Variants in TMEM123 observed in about 807,000 individuals in gnomAD.
The protein encoded by TMEM123 is transmembrane protein 123.
Under a neutral mutation model 19.7 loss-of-function variants are expected in TMEM123, and 16 were observed. The ratio of observed to expected loss-of-function variants is 0.81; its 90% confidence interval spans 0.55 to 1.23. The LOEUF (loss-of-function observed/expected upper bound fraction) is 1.23, where lower values mean the gene tolerates loss of function less well. Among genes scored for constraint, TMEM123 ranks in the 50% most tolerant of loss-of-function variants. The pLI, the probability that TMEM123 is intolerant of heterozygous loss-of-function variation, is 0.00. For missense variants in TMEM123, 313 were observed against 257.8 expected (o/e 1.21, Z -1.47); for synonymous variants, 118 against 99.4 (o/e 1.19, Z -1.12).
At chr11:102,442,478 C>A (rs974318490) in intron 2 of TMEM123, among the ~76,000 whole-genome samples, 2 of 152,116 alleles carry the variant, frequency 1.3e-5, no homozygotes, top group Admixed American at 6.5e-5. Context: ...CAGAAAAGGC[C>A]TTCAACAAAA....
At chr11:102,408,850 T>A (rs1951978215) in intron 2 of TMEM123, among the ~76,000 whole-genome samples, 1 of 152,186 alleles carries the variant, frequency 6.6e-6, no homozygotes, top group African/African-American at 2.4e-5. Context: ...CAGACCTTTT[T>A]CTGTTAATAC....
chr11:102,442,647 G>A (rs1334350817), intron 2 of TMEM123, among the ~76,000 whole-genome samples: 1 of 152,182 alleles, frequency 6.6e-6, no homozygotes, highest in Non-Finnish European at 1.5e-5. Flanking sequence ...AGACAGGGAT[G>A]CCCTCTCTCA....
At chr11:102,435,053 C>A (rs1857749137) in intron 2 of TMEM123, among the ~76,000 whole-genome samples, 1 of 151,832 alleles carries the variant, frequency 6.6e-6, no homozygotes, top group Non-Finnish European at 1.5e-5. Context: ...AGAATTTCTA[C>A]AACGGGCTGG....
At chr11:102,435,452 A>G (rs1415321524) in intron 2 of TMEM123, among the ~76,000 whole-genome samples, 1 of 152,000 alleles carries the variant, frequency 6.6e-6, no homozygotes, top group African/African-American at 2.4e-5. Context: ...ACTGGTGAGG[A>G]TATGAAGAAA....
At chr11:102,412,470 G>C (rs958519197) in intron 2 of TMEM123, among the ~76,000 whole-genome samples, 1 of 152,062 alleles carries the variant, frequency 6.6e-6, no homozygotes, top group African/African-American at 2.4e-5. Context: ...TTAAAAGACA[G>C]AGATTATGAG....
chr11:102,444,453 A>T (rs961347551), intron 2 of TMEM123, among the ~76,000 whole-genome samples: 1 of 151,632 alleles, frequency 6.6e-6, no homozygotes, highest in African/African-American at 2.4e-5. Flanking sequence ...GGAAGAAACC[A>T]AATACCGTAT....
chr11:102,432,097 G>C (rs1400749990), intron 2 of TMEM123, among the ~76,000 whole-genome samples: 2 of 152,198 alleles, frequency 1.3e-5, no homozygotes, highest in Admixed American at 1.3e-4. Flanking sequence ...TTGGTACTGG[G>C]AGTGGGGTGC....
rs1951865836 is a variant in TMEM123 at position 102,397,311 on chromosome 11, A to G, written c.*1556T>C. The G allele has an allele frequency of 6.6e-6, 1 of 152,156 alleles. No individual in the cohort carries two copies. 9.4% of individuals were successfully genotyped at this position (152,156 alleles called of 1,614,324 possible). On this transcript the variant is annotated 3_prime_UTR_variant, in exon 5 of 5. Transcript: ENST00000398136. Reference sequence around the variant, plus strand: ...CTGACAACAGTTTTATTGTACTCCTATTAAATGTAGGTGCATGTTCATTAG... The same window carrying G: ...CTGACAACAGTTTTATTGTACTCCTGTTAAATGTAGGTGCATGTTCATTAG...
intron 2 of TMEM123, among the ~76,000 whole-genome samples, chr11:102,404,562 G>C (rs1334787170): frequency 6.6e-6 from 1 of 151,542 alleles, no homozygotes; most frequent in Non-Finnish European, 1.5e-5. Context: ...AGTACTACAG[G>C]TGTGAGCCCC....
intron 2 of TMEM123, among the ~76,000 whole-genome samples, chr11:102,402,943 GTT>G (rs1430917775): frequency 6.6e-6 from 1 of 152,184 alleles, no homozygotes; most frequent in African/African-American, 2.4e-5. Context: ...CTGCAACTGA[GTT>G]TTTCTTTTTT....
At chr11:102,424,893 T>C (rs1434885601) in intron 2 of TMEM123, among the ~76,000 whole-genome samples, 4 of 152,190 alleles carry the variant, frequency 2.6e-5, no homozygotes, top group Non-Finnish European at 5.9e-5. Context: ...GCTGTACTGA[T>C]TGCATGCTCA....
chr11:102,415,948 T>C (rs545542174), intron 2 of TMEM123, among the ~76,000 whole-genome samples: 3 of 152,076 alleles, frequency 2.0e-5, no homozygotes, highest in Non-Finnish European at 4.4e-5. Flanking sequence ...GGAGTCTTGC[T>C]CTGTTGCCCA....
At chr11:102,448,498 T>C (rs1857906528) in intron 2 of TMEM123, 1 of 337,012 alleles carries the variant, frequency 3.0e-6, no homozygotes, top group Non-Finnish European at 5.8e-6. Flanking sequence ...TGTGCTGACA[T>C]TTCATATCTA....
chr11:102,428,496 G>A (rs368860074), intron 2 of TMEM123, among the ~76,000 whole-genome samples: 12 of 150,308 alleles, frequency 8.0e-5, no homozygotes, highest in Non-Finnish European at 1.5e-4. Context: ...TAGTAGAGAC[G>A]GGGTTTTGCC....
At chr11:102,445,343 G>T (rs1036485608) in intron 2 of TMEM123, among the ~76,000 whole-genome samples, 35 of 151,846 alleles carry the variant, frequency 2.3e-4, no homozygotes, top group Admixed American at 1.6e-3. Context: ...GTCTCTCTGT[G>T]TATCTATCAC....
Position 102,398,808 on chromosome 11 carries a change from C to T in TMEM123, c.*59G>A. The T allele has an allele frequency of 6.4e-7, 1 of 1,570,302 alleles. No homozygotes were observed. The highest frequency in any genetic ancestry group is 1.2e-5 in the South Asian group (1 of 86,268). On this transcript the variant is annotated 3_prime_UTR_variant, in exon 5 of 5. Coordinates refer to ENST00000398136, the MANE Select transcript of TMEM123 (RefSeq NM_052932.3). ...AATATTGTTTTAAACTATTAATAAA[C>T]CAAAATTAATTGATAGGGCAGCATC...
chr11:102,401,748 T>C, intron 3 of TMEM123, 56 bp from the exon 4 acceptor site: 1 of 1,519,006 alleles, frequency 6.6e-7, no homozygotes, highest in Non-Finnish European at 8.8e-7. Context: ...TTTTTAACAT[T>C]GTAATTAAAG....
intron 2 of TMEM123, among the ~76,000 whole-genome samples, chr11:102,406,920 G>C (rs902202627): frequency 5.9e-5 from 9 of 151,874 alleles, no homozygotes; most frequent in Non-Finnish European, 1.0e-4. Context: ...CTTAGAGAGG[G>C]GGAGGTCACC....
chr11:102,431,799 G>A (rs897663646), intron 2 of TMEM123, among the ~76,000 whole-genome samples: 1 of 152,172 alleles, frequency 6.6e-6, no homozygotes, highest in Non-Finnish European at 1.5e-5. Context: ...TCATGGCAGT[G>A]ACCCGGTGGT....
Sources: gnomAD v4.1 joint callset for allele counts (sites outside exome capture counted in the v4.1 genomes callset) on GRCh38, gnomAD v4.1.1 for gene constraint, MANE v1.5 for transcripts, NCBI Gene and HGNC (gene_info 2026-07-23, HGNC 2026-07-21) for gene names.